SYNDIG1: variants seen among roughly 807,000 people sequenced by gnomAD.
The protein encoded by SYNDIG1 is synapse differentiation-inducing gene protein 1.
A neutral mutation model predicts 19.4 loss-of-function variants in SYNDIG1; 9 were observed. The observed-to-expected ratio is 0.46, with a 90% CI of 0.28 to 0.81. SYNDIG1 has a LOEUF of 0.81. Ranked by LOEUF, SYNDIG1 falls within the 30% of genes least tolerant of loss-of-function variation. SYNDIG1 has a pLI of 0.12. For missense variants in SYNDIG1, 311 were observed against 343.3 expected, an observed-to-expected ratio of 0.91 and a Z score of 0.74; for synonymous variants, 141 against 145.9, an observed-to-expected ratio of 0.97 and a Z score of 0.24.
chr20:24,547,429 G>A (rs6036834), intron 2 of SYNDIG1, among the ~76,000 whole-genome samples: 11,915 of 152,264 alleles, frequency 0.078, 542 homozygotes, highest in Non-Finnish European at 0.088. Flanking sequence ...CAACTATTCG[G>A]CAAGTGTTTA....
intron 1 of SYNDIG1, among the ~76,000 whole-genome samples, chr20:24,470,296 C>CT (rs1210927736): frequency 6.6e-6 from 1 of 152,212 alleles, no homozygotes; most frequent in East Asian, 1.9e-4. Context: ...GGGAAACAGA[C>CT]TAATTCTCCG....
At chr20:24,553,190 A>G (rs865943407) in intron 2 of SYNDIG1, among the ~76,000 whole-genome samples, 1 of 151,510 alleles carries the variant, frequency 6.6e-6, no homozygotes, top group Non-Finnish European at 1.5e-5. Context: ...GTTTGAGTTC[A>G]TTGTAGATTC....
At chr20:24,557,910 T>C (rs1297412517) in intron 2 of SYNDIG1, among the ~76,000 whole-genome samples, 2 of 152,246 alleles carry the variant, frequency 1.3e-5, no homozygotes, top group Non-Finnish European at 2.9e-5. Flanking sequence ...GAGCTGTTCC[T>C]ATTCGGCCAT....
intron 1 of SYNDIG1, among the ~76,000 whole-genome samples, chr20:24,501,350 G>A (rs1193770388): frequency 1.3e-5 from 2 of 152,228 alleles, no homozygotes; most frequent in Non-Finnish European, 2.9e-5. Context: ...AGCCCCGGAT[G>A]ACAGCGAAGA....
chr20:24,524,311 C>G (rs1318824246), intron 1 of SYNDIG1, among the ~76,000 whole-genome samples: 1 of 152,126 alleles, frequency 6.6e-6, no homozygotes, highest in Non-Finnish European at 1.5e-5. Context: ...CTTCTTCTCG[C>G]CTTTGGTTAG....
At chr20:24,637,543 C>T (rs111830211) in intron 3 of SYNDIG1, among the ~76,000 whole-genome samples, 5 of 152,332 alleles carry the variant, frequency 3.3e-5, no homozygotes, top group African/African-American at 1.2e-4. Context: ...AAAATGTGGG[C>T]TCTCCAGACT....
intron 3 of SYNDIG1, among the ~76,000 whole-genome samples, chr20:24,640,518 GAA>G (rs1568710231): frequency 3.0e-5 from 4 of 135,506 alleles, no homozygotes; most frequent in Admixed American, 7.6e-5. Context: ...AGGAAGGAAG[GAA>G]GGAAGGAAGG....
At chr20:24,481,631 G>C (rs2055800325) in intron 1 of SYNDIG1, among the ~76,000 whole-genome samples, 1 of 152,180 alleles carries the variant, frequency 6.6e-6, no homozygotes, top group Non-Finnish European at 1.5e-5. Flanking sequence ...TTGAAGGGAG[G>C]TGTGTGAAAG....
chr20:24,639,469 C>T (rs1253280237), intron 3 of SYNDIG1, among the ~76,000 whole-genome samples: 1 of 152,200 alleles, frequency 6.6e-6, no homozygotes, highest in African/African-American at 2.4e-5. Context: ...AAAGGCATCT[C>T]GGCATCTCCG....
intron 1 of SYNDIG1, among the ~76,000 whole-genome samples, chr20:24,479,320 G>C (rs2055729603): frequency 6.6e-6 from 1 of 152,068 alleles, no homozygotes; most frequent in Non-Finnish European, 1.5e-5. Flanking sequence ...CGCCTGCCAG[G>C]CCTTCTTTGT....
At chr20:24,654,656 G>GGAAA (rs1459292440) in intron 3 of SYNDIG1, among the ~76,000 whole-genome samples, 11 of 136,996 alleles carry the variant, frequency 8.0e-5, no homozygotes, top group African/African-American at 3.2e-4. Context: ...GAGGGAGGAA[G>GGAAA]GAAGGAAGGA....
intron 2 of SYNDIG1, among the ~76,000 whole-genome samples, chr20:24,566,779 T>C (rs2058050611): frequency 6.6e-6 from 1 of 152,174 alleles, no homozygotes; most frequent in Non-Finnish European, 1.5e-5. Flanking sequence ...GGCTTCAGCC[T>C]GTGTGTGAAT....
intron 1 of SYNDIG1, among the ~76,000 whole-genome samples, chr20:24,511,361 A>T (rs919029849): frequency 2.0e-4 from 31 of 152,258 alleles, no homozygotes; most frequent in Non-Finnish European, 3.8e-4. Context: ...CTAAAATCCC[A>T]AACCCCGGCT....
chr20:24,638,621 C>T (rs2059340418), intron 3 of SYNDIG1, among the ~76,000 whole-genome samples: 1 of 152,148 alleles, frequency 6.6e-6, no homozygotes, highest in African/African-American at 2.4e-5. Flanking sequence ...CTTTGACCTC[C>T]CAACGGGCTG....
chr20:24,536,541 C>T (rs910602297), intron 1 of SYNDIG1, among the ~76,000 whole-genome samples: 1 of 152,116 alleles, frequency 6.6e-6, no homozygotes, highest in African/African-American at 2.4e-5. Context: ...GCCCCATAGC[C>T]ACCTCTGTGT....
At chr20:24,647,054 T>C in intron 3 of SYNDIG1, among the ~76,000 whole-genome samples, 1 of 152,224 alleles carries the variant, frequency 6.6e-6, no homozygotes, top group Non-Finnish European at 1.5e-5. Context: ...TCACGTAGTC[T>C]TTTGAATCTT....
intron 2 of SYNDIG1, among the ~76,000 whole-genome samples, chr20:24,570,698 C>G (rs547351367): frequency 1.3e-5 from 2 of 152,256 alleles, no homozygotes; most frequent in Admixed American, 1.3e-4. Context: ...CATACATTGC[C>G]GGTGGGAATG....
At chr20:24,590,512 G>A (rs1188756889) in intron 3 of SYNDIG1, among the ~76,000 whole-genome samples, 2 of 152,160 alleles carry the variant, frequency 1.3e-5, no homozygotes, top group African/African-American at 4.8e-5. Context: ...CGACGGCAGT[G>A]GTCAAACGCA....
intron 3 of SYNDIG1, among the ~76,000 whole-genome samples, chr20:24,591,665 A>G (rs1202783798): frequency 1.3e-5 from 2 of 152,168 alleles, no homozygotes; most frequent in African/African-American, 4.8e-5. Flanking sequence ...TAGGGGAGCA[A>G]TAAAAAGCCC....
Sources: gnomAD v4.1 joint callset for allele counts (sites outside exome capture counted in the v4.1 genomes callset) on GRCh38, gnomAD v4.1.1 for gene constraint, MANE v1.5 for transcripts, NCBI Gene and HGNC (gene_info 2026-07-23, HGNC 2026-07-21) for gene names.